Variants in GRM8 observed in about 807,000 individuals in gnomAD.
The protein encoded by GRM8 is glutamate metabotropic receptor 8, also known as metabotropic glutamate receptor 8.
A neutral mutation model predicts 87.2 loss-of-function variants in GRM8; 47 were observed. The ratio of observed to expected loss-of-function variants is 0.54; its 90% confidence interval spans 0.43 to 0.69. The LOEUF is 0.69. Among genes scored for constraint, GRM8 ranks in the 30% least tolerant of loss-of-function variants. The pLI is 0.00. For missense variants in GRM8, 1,019 were observed against 1,139.2 expected, an observed-to-expected ratio of 0.89 and a Z score of 1.52; for synonymous variants, 396 against 404.5, an observed-to-expected ratio of 0.98 and a Z score of 0.25.
At chr7:126,675,307 C>A (rs1403974669) in intron 7 of GRM8, among the ~76,000 whole-genome samples, 2 of 152,066 alleles carry the variant, frequency 1.3e-5, no homozygotes, top group Non-Finnish European at 2.9e-5. Flanking sequence ...CAAATTCTAC[C>A]ATATATTCAA....
intron 2 of GRM8, among the ~76,000 whole-genome samples, chr7:127,161,364 C>T (rs1793105423): frequency 1.3e-5 from 2 of 152,128 alleles, no homozygotes; most frequent in African/African-American, 4.8e-5. Context: ...TCTACTGGAA[C>T]AGCTGGAGAG....
chr7:127,240,812 G>C (rs181968107), intron 2 of GRM8, among the ~76,000 whole-genome samples: 2 of 152,064 alleles, frequency 1.3e-5, no homozygotes, highest in African/African-American at 4.8e-5. Flanking sequence ...CGGGGTAGCT[G>C]GGAGGAATAC....
At chr7:127,049,997 G>A (rs1023743836) in intron 3 of GRM8, among the ~76,000 whole-genome samples, 10 of 152,212 alleles carry the variant, frequency 6.6e-5, no homozygotes, top group Non-Finnish European at 2.9e-5. Flanking sequence ...CAAGGGCCAG[G>A]TCAGGTAGGG....
At position 126,505,898 on chromosome 7, in the gene GRM8, G is replaced by C. The variant is rs1810390527; in HGVS notation, c.2430+27054C>G. ...CTTAGAAAATTTCAAGTATATAATAGGTGTTGCTAACTATATTCACCATGC... is the reference window on the plus strand; with the variant it reads ...CTTAGAAAATTTCAAGTATATAATACGTGTTGCTAACTATATTCACCATGC... On this transcript the variant is annotated intron_variant, in intron 9 of 10. Transcript: ENST00000339582. Among the ~76,000 whole-genome samples, 5 of 152,042 alleles carry C rather than the reference G, an allele frequency of 3.3e-5. No homozygotes were observed. The South Asian group carries it at 1.0e-3, about 32-fold the overall frequency.
intron 3 of GRM8, among the ~76,000 whole-genome samples, chr7:127,102,400 T>C (rs1384904253): frequency 1.3e-5 from 2 of 152,176 alleles, no homozygotes; most frequent in African/African-American, 2.4e-5. Flanking sequence ...AAGTCCTCCA[T>C]GGCATTTCAA....
chr7:126,770,084 A>G lies in GRM8; in HGVS notation c.1157-19T>C, dbSNP rs1472135844. 1 of 1,563,084 alleles carries G rather than the reference A, an allele frequency of 6.4e-7. No homozygotes were observed. The highest frequency in any genetic ancestry group is 8.8e-7 in the Non-Finnish European group (1 of 1,139,686). ...TCCAGCCCTGCAAAATAAAAAAGTA[A>G]AAACCATCAGTTGATGTTAGATTCC... On this transcript the variant is annotated intron_variant, in intron 6 of 10. Transcript: ENST00000339582.
chr7:127,005,541 A>T (rs1204944155), intron 3 of GRM8, among the ~76,000 whole-genome samples: 1 of 151,822 alleles, frequency 6.6e-6, no homozygotes, highest in African/African-American at 2.4e-5. Flanking sequence ...TAGTCTCCAC[A>T]AAGTTGTAGA....
intron 10 of GRM8, among the ~76,000 whole-genome samples, chr7:126,445,724 G>A (rs558470099): frequency 1.3e-5 from 2 of 152,060 alleles, no homozygotes; most frequent in South Asian, 4.1e-4. Context: ...TGTAAGATCT[G>A]TAGTGATATT....
chr7:127,021,609 T>C (rs1429671271), intron 3 of GRM8, among the ~76,000 whole-genome samples: 2 of 152,038 alleles, frequency 1.3e-5, no homozygotes, highest in African/African-American at 4.8e-5. Flanking sequence ...TCTGTTTAAT[T>C]ACACCTAAAT....
chr7:126,894,656 T>C (rs2131126686), intron 6 of GRM8, among the ~76,000 whole-genome samples: 1 of 152,172 alleles, frequency 6.6e-6, no homozygotes, highest in Non-Finnish European at 1.5e-5. Context: ...AGGGAATACT[T>C]CACCTTAGGT....
intron 8 of GRM8, among the ~76,000 whole-genome samples, chr7:126,592,178 G>C (rs1222963378): frequency 6.6e-6 from 1 of 150,462 alleles, no homozygotes; most frequent in Non-Finnish European, 1.5e-5. Flanking sequence ...GAACCTGATG[G>C]CTTCATTGCT....
intron 3 of GRM8, among the ~76,000 whole-genome samples, chr7:127,102,228 A>G (rs1450335730): frequency 2.6e-5 from 4 of 152,174 alleles, no homozygotes; most frequent in African/African-American, 9.6e-5. Context: ...TTAAAAGGGA[A>G]GCAGGGTATA....
chr7:126,917,153 T>G (rs961222598), intron 3 of GRM8, among the ~76,000 whole-genome samples: 1 of 152,120 alleles, frequency 6.6e-6, no homozygotes, highest in Non-Finnish European at 1.5e-5. Flanking sequence ...TATTTTTGTT[T>G]TTTGTGGAGA....
chr7:126,481,880 C>T (rs56344827), intron 9 of GRM8, among the ~76,000 whole-genome samples: 6,044 of 152,006 alleles, frequency 0.04, 299 homozygotes, highest in African/African-American at 0.12. Flanking sequence ...GGGAGAAGGA[C>T]GAAGGAGAGC....
chr7:126,467,471 G>A (rs1450774356), intron 9 of GRM8, among the ~76,000 whole-genome samples: 2 of 151,606 alleles, frequency 1.3e-5, no homozygotes, highest in East Asian at 3.9e-4. Flanking sequence ...GTATCTTAAG[G>A]CTTTTATGAT....
intron 3 of GRM8, among the ~76,000 whole-genome samples, chr7:126,984,876 C>G (rs769014120): frequency 6.6e-6 from 1 of 152,026 alleles, no homozygotes; most frequent in Admixed American, 6.6e-5. Context: ...AGAATTATAA[C>G]CTGTTTGGTT....
At chr7:127,200,021 T>C (rs1197765636) in intron 2 of GRM8, among the ~76,000 whole-genome samples, 1 of 152,222 alleles carries the variant, frequency 6.6e-6, no homozygotes, top group Non-Finnish European at 1.5e-5. Flanking sequence ...AGCTTTGGTA[T>C]GGACTAACCC....
chr7:127,079,817 A>G (rs186943520), intron 3 of GRM8, among the ~76,000 whole-genome samples: 101 of 150,214 alleles, frequency 6.7e-4, no homozygotes, highest in Admixed American at 2.2e-3. Flanking sequence ...AAGGCCCCCA[A>G]TGGAGACTTC....
chr7:127,092,177 T>C (rs1478154419), intron 3 of GRM8, among the ~76,000 whole-genome samples: 1 of 151,776 alleles, frequency 6.6e-6, no homozygotes, highest in Non-Finnish European at 1.5e-5. Context: ...CTACCCTATA[T>C]AATGGAAGCC....
Sources: gnomAD v4.1 joint callset for allele counts (sites outside exome capture counted in the v4.1 genomes callset) on GRCh38, gnomAD v4.1.1 for gene constraint, MANE v1.5 for transcripts, NCBI Gene and HGNC (gene_info 2026-07-23, HGNC 2026-07-21) for gene names.